Variants in VWF observed in about 807,000 individuals in gnomAD.
VWF encodes Factor VIII related antigen.
A neutral mutation model predicts 308.6 loss-of-function variants in VWF; 176 were observed. The observed-to-expected ratio is 0.57, with a 90% CI of 0.50 to 0.65. VWF has a LOEUF of 0.65. VWF is among the 30% of genes least tolerant of loss of function. The pLI is 0.00. For synonymous variants in VWF, 1,385 were observed against 1,443.4 expected (o/e 0.96, Z 0.92); for missense variants, 3,146 against 3,648.2 (o/e 0.86, Z 3.55).
At chr12:6,084,328 G>A (rs1389135756) in intron 6 of VWF, among the ~76,000 whole-genome samples, 1 of 152,208 alleles carries the variant, frequency 6.6e-6, no homozygotes, top group Admixed American at 6.5e-5. Flanking sequence ...TGGCTCCAAG[G>A]CCCTGCATCA....
chr12:6,092,610 T>TGAGG (rs113664724), intron 6 of VWF, among the ~76,000 whole-genome samples: 2 of 57,000 alleles, frequency 3.5e-5, no homozygotes, highest in African/African-American at 7.1e-5. Flanking sequence ...AGTTAGTGAG[T>TGAGG]GAGTGAGAGT....
chr12:6,019,305 C>A lies in VWF; in HGVS notation c.4113G>T (p.Lys1371Asn). 6.2e-7 allele frequency: 1 copy of A among 1,613,908 alleles called. No homozygotes were observed. Among genetic ancestry groups the A allele is most frequent in the Non-Finnish European group, 8.5e-7 (1 of 1,179,866 alleles). ...LKYTLFQIFS[K>N]IDRPEASRIT... Reference sequence around the variant, plus strand: ...TGCGGGAGGCTTCAGGGCGGTCGATCTTGCTGAAGATTTGGAACAGTGTGT... The same window carrying A: ...TGCGGGAGGCTTCAGGGCGGTCGATATTGCTGAAGATTTGGAACAGTGTGT... The change falls in exon 28 of 52, where the codon AAG becomes AAT. Residue 1371 changes from lysine to asparagine, a missense_variant. Transcript: ENST00000261405. This position sits in a 1 kb window ranked among gnomAD's most constrained non-coding sequence, Gnocchi z 5.8.
At position 6,051,550 on chromosome 12, in the gene VWF, A is replaced by C. The variant is rs1944512481; in HGVS notation, c.2186+993T>G. ...CGGCCTCCCTAAGTGTTGGGATTAC[A>C]GGCGTGAGCCACTGTGCCTGGCCAA... On this transcript the variant is annotated intron_variant, in intron 16 of 51. Coordinates refer to ENST00000261405, the MANE Select transcript of VWF (RefSeq NM_000552.5). 2.0e-5 allele frequency among the ~76,000 whole-genome samples: 3 copies of C among 152,288 alleles called. No homozygotes were observed. The South Asian group carries it at 6.2e-4, about 32-fold the overall frequency.
At chr12:6,092,977 C>T (rs1179474032) in intron 6 of VWF, among the ~76,000 whole-genome samples, 2 of 151,984 alleles carry the variant, frequency 1.3e-5, no homozygotes, top group African/African-American at 4.8e-5. Context: ...TATTCCACCC[C>T]TTTCTCCCTT....
intron 44 of VWF, 24 bp downstream of exon 44, chr12:5,971,575 C>T (rs1189938659): frequency 2.5e-6 from 4 of 1,600,174 alleles, no homozygotes; most frequent in African/African-American, 2.7e-5. Context: ...TGCCCTCCTC[C>T]CCGTCCCGGG....
chr12:5,970,880 A>G (rs1372193595), intron 44 of VWF, among the ~76,000 whole-genome samples: 2 of 152,226 alleles, frequency 1.3e-5, no homozygotes, highest in African/African-American at 4.8e-5. Flanking sequence ...TATCCTTCTG[A>G]CCAGACTGAA....
Position 6,108,334 on chromosome 12 carries a change from T to TATACACACACACACACACAC in VWF, c.532+2039_532+2040insGTGTGTGTGTGTGTGTGTAT, listed in dbSNP as rs374693235. Among the ~76,000 whole-genome samples the TATACACACACACACACACAC allele has an allele frequency of 2.5e-3, 312 of 124,160 alleles. 1 individual carries two copies. The highest frequency in any genetic ancestry group is 4.1e-3 in the Non-Finnish European group (242 of 59,476). The allele number at this position is 124,160 out of a possible 152,430, so 81.5% of individuals were successfully genotyped here. ...AGAAAGAAAGAAAGAAAGAAATATA[T>TATACACACACACACACACAC]ACACACACACACACACACACACACA... On this transcript the variant is annotated intron_variant, in intron 5 of 51. Transcript: ENST00000261405.
intron 43 of VWF, among the ~76,000 whole-genome samples, chr12:5,973,249 A>T (rs1489395737): frequency 6.6e-6 from 1 of 152,138 alleles, no homozygotes; most frequent in Non-Finnish European, 1.5e-5. Flanking sequence ...TTATATCGAC[A>T]TTTGATATCT....
At chr12:6,105,150 T>C (rs1019462970) in intron 5 of VWF, among the ~76,000 whole-genome samples, 6 of 152,124 alleles carry the variant, frequency 3.9e-5, no homozygotes, top group Admixed American at 3.9e-4. Flanking sequence ...GGGTACAAAG[T>C]ATATTGTACC....
intron 7 of VWF, 104 bp from the exon 8 acceptor site, chr12:6,073,845 C>A: frequency 1.3e-6 from 2 of 1,551,082 alleles, no homozygotes; most frequent in East Asian, 2.3e-5. Flanking sequence ...TCTGACTGCT[C>A]CCCTCTGTCT....
Position 5,980,083 on chromosome 12 carries a change from AAAGAAAGAAAGGAAGG to A in VWF, c.7287+1687_7287+1702del, listed in dbSNP as rs1194986208. 6.8e-3 allele frequency among the ~76,000 whole-genome samples: 517 copies of A among 76,558 alleles called. 3 individuals are homozygous for A. The highest frequency in any genetic ancestry group is 0.017 in the South Asian group (42 of 2,448). The allele number at this position is 76,558 out of a possible 152,430, so 50.2% of individuals were successfully genotyped here. ...ACGAATGAAAAGAAAGAAAGAAAGAAAAGAAAGAAAGGAAGGAAGGAAGGAAGGAAGGAAGGAAGGA... is the reference window on the plus strand; with the variant it reads ...ACGAATGAAAAGAAAGAAAGAAAGAAAAGGAAGGAAGGAAGGAAGGAAGGA... On this transcript the variant is annotated intron_variant, in intron 42 of 51. Coordinates refer to ENST00000261405, the MANE Select transcript of VWF (RefSeq NM_000552.5).
At chr12:6,073,892 C>T (rs1375803805) in intron 7 of VWF, 151 bp from the exon 8 acceptor site, 14 of 1,235,014 alleles carry the variant, frequency 1.1e-5, no homozygotes, top group East Asian at 5.1e-5. Flanking sequence ...CAGTGAGCCA[C>T]GTGCCCCCCT....
At chr12:5,994,870 T>C (rs1036321925) in intron 35 of VWF, among the ~76,000 whole-genome samples, 5 of 152,078 alleles carry the variant, frequency 3.3e-5, no homozygotes, top group Non-Finnish European at 5.9e-5. Context: ...GCCTGGAGAT[T>C]AAAAGGAACC....
chr12:6,010,006 G>A (rs1476047213), intron 34 of VWF, among the ~76,000 whole-genome samples: 1 of 152,102 alleles, frequency 6.6e-6, no homozygotes, highest in African/African-American at 2.4e-5. Context: ...CTGTTCAGTG[G>A]GCATAGTTTC....
intron 5 of VWF, among the ~76,000 whole-genome samples, chr12:6,096,656 C>T (rs1365821474): frequency 1.3e-5 from 2 of 152,210 alleles, no homozygotes; most frequent in Non-Finnish European, 2.9e-5. Context: ...ACTGCATACT[C>T]CAGGCTCTCA....
intron 21 of VWF, among the ~76,000 whole-genome samples, chr12:6,029,789 T>C (rs1480823038): frequency 1.3e-5 from 2 of 152,238 alleles, no homozygotes; most frequent in East Asian, 1.9e-4. Context: ...AGGTATTTTA[T>C]TGACAATTAG....
intron 10 of VWF, among the ~76,000 whole-genome samples, chr12:6,067,432 T>C (rs1944728729): frequency 6.6e-6 from 1 of 152,168 alleles, no homozygotes; most frequent in Non-Finnish European, 1.5e-5. Flanking sequence ...AATGTGCAAA[T>C]ATTCGAAAGG....
intron 5 of VWF, among the ~76,000 whole-genome samples, chr12:6,108,417 T>C (rs1945268518): frequency 7.1e-6 from 1 of 140,364 alleles, no homozygotes; most frequent in Non-Finnish European, 1.6e-5. Context: ...TTCACCACCA[T>C]TATAGAAAAA....
In VWF at chr12:5,949,747, G is replaced by A. The variant is rs2362482; in HGVS notation, c.8253+39C>T. The A allele has an allele frequency of 0.071, 113,196 of 1,586,356 alleles. 5,140 individuals carry two copies. Among genetic ancestry groups the A allele is most frequent in the African/African-American group, 0.19 (14,272 of 74,466 alleles). On this transcript the variant is annotated intron_variant, in intron 51 of 51. Transcript: ENST00000261405. ...ATAGGTATCCGAACACGGAGGCTCA[G>A]CCCTCCACACCCAGCCCTTATTGAA...
Sources: gnomAD v4.1 joint callset for allele counts (sites outside exome capture counted in the v4.1 genomes callset) on GRCh38, gnomAD v4.1.1 for gene constraint, Gnocchi (gnomAD v3.1) non-coding constraint, MANE v1.5 for transcripts, NCBI Gene and HGNC (gene_info 2026-07-23, HGNC 2026-07-21) for gene names.